Variants in ZNF385D observed in about 807,000 individuals in gnomAD.
ZNF385D encodes the protein zinc finger protein 659.
In ZNF385D, 15 loss-of-function variants were observed where a neutral mutation model predicts 35.8. The observed-to-expected ratio is 0.42, with a 90% confidence interval of 0.28 to 0.64. The LOEUF is 0.64. Ranked by LOEUF, ZNF385D falls within the 30% of genes least tolerant of loss-of-function variation. The pLI, the probability that ZNF385D is intolerant of heterozygous loss-of-function variation, is 0.23. For synonymous variants in ZNF385D, 212 were observed against 186.8 expected (o/e 1.13, Z -1.10); for missense variants, 474 against 494.6 (o/e 0.96, Z 0.39).
chr3:21,541,786 A>C (rs926531943), intron 3 of ZNF385D, among the ~76,000 whole-genome samples: 2 of 152,228 alleles, frequency 1.3e-5, no homozygotes, highest in African/African-American at 4.8e-5. Flanking sequence ...GAGATTTTCA[A>C]TTATTGGTGA....
At chr3:21,712,253 C>T (rs934908086) in intron 1 of ZNF385D, among the ~76,000 whole-genome samples, 12 of 152,138 alleles carry the variant, frequency 7.9e-5, no homozygotes, top group African/African-American at 2.9e-4. Flanking sequence ...CTCCATTGTA[C>T]ACGTCTACTT....
At chr3:21,820,215 C>A (rs1409564898) in intron 3 of ZNF385D, among the ~76,000 whole-genome samples, 2 of 151,602 alleles carry the variant, frequency 1.3e-5, no homozygotes, top group African/African-American at 4.8e-5. Context: ...TTATTCTAGT[C>A]AATAAAATCG....
At chr3:22,245,118 A>C (rs1265824430) in intron 2 of ZNF385D, among the ~76,000 whole-genome samples, 1 of 152,194 alleles carries the variant, frequency 6.6e-6, no homozygotes, top group Admixed American at 6.6e-5. Context: ...GCCTTCAAGG[A>C]AACTGAGGTT....
intron 3 of ZNF385D, among the ~76,000 whole-genome samples, chr3:21,812,147 A>G (rs906776215): frequency 1.3e-5 from 2 of 152,246 alleles, no homozygotes; most frequent in African/African-American, 4.8e-5. Context: ...ACAGGAAAAA[A>G]TAATTTGATT....
chr3:22,083,765 T>G (rs2141217), intron 3 of ZNF385D, among the ~76,000 whole-genome samples: 2 of 151,838 alleles, frequency 1.3e-5, no homozygotes, highest in African/African-American at 2.4e-5. Context: ...AGAGCATCCC[T>G]AAGACACATA....
chr3:21,679,505 C>T (rs961869834), intron 1 of ZNF385D, among the ~76,000 whole-genome samples: 1 of 151,680 alleles, frequency 6.6e-6, no homozygotes, highest in African/African-American at 2.4e-5. Flanking sequence ...TTATAGGCAC[C>T]CAAGTACTTT....
chr3:22,236,309 G>A (rs1699181394), intron 2 of ZNF385D, among the ~76,000 whole-genome samples: 1 of 151,940 alleles, frequency 6.6e-6, no homozygotes, highest in Non-Finnish European at 1.5e-5. Context: ...AATTATCACT[G>A]GAAAGTTGAC....
chr3:21,471,347 G>T, intron 4 of ZNF385D, among the ~76,000 whole-genome samples: 1 of 133,922 alleles, frequency 7.5e-6, no homozygotes, highest in Non-Finnish European at 1.5e-5. Flanking sequence ...CTTGGTGATG[G>T]CTGTTTTTTA....
At chr3:21,620,694 C>T (rs73035433) in intron 2 of ZNF385D, among the ~76,000 whole-genome samples, 53 of 152,228 alleles carry the variant, frequency 3.5e-4, no homozygotes, top group Admixed American at 1.2e-3. Flanking sequence ...TTTTGCCTGA[C>T]AGGCTGAATC....
chr3:21,563,858 CA>C (rs1421597323), intron 3 of ZNF385D, among the ~76,000 whole-genome samples: 6 of 152,076 alleles, frequency 3.9e-5, no homozygotes, highest in African/African-American at 1.2e-4. Flanking sequence ...AGAAGACATA[CA>C]TTTTTTTTTC....
chr3:22,005,442 C>A (rs143721758), intron 3 of ZNF385D, among the ~76,000 whole-genome samples: 3 of 151,830 alleles, frequency 2.0e-5, no homozygotes, highest in Non-Finnish European at 2.9e-5. Flanking sequence ...CGCAGGGTAA[C>A]TATTTTTAAC....
At chr3:21,976,044 T>C in intron 3 of ZNF385D, among the ~76,000 whole-genome samples, 1 of 152,066 alleles carries the variant, frequency 6.6e-6, no homozygotes, top group East Asian at 1.9e-4. Flanking sequence ...ACACTCAGGC[T>C]CTAACTGGGA....
chr3:21,482,708 G>T (rs1245615419), intron 4 of ZNF385D, among the ~76,000 whole-genome samples: 1 of 152,076 alleles, frequency 6.6e-6, no homozygotes, highest in African/African-American at 2.4e-5. Flanking sequence ...CAAATGTAAG[G>T]CTTTGAATAA....
chr3:21,961,395 T>A (rs1299080461), intron 3 of ZNF385D: 1 of 152,120 alleles, frequency 6.6e-6, no homozygotes, highest in African/African-American at 2.4e-5. Context: ...TTAATTCTTT[T>A]CTCTTTTTGA....
intron 2 of ZNF385D, among the ~76,000 whole-genome samples, chr3:22,304,955 C>T (rs1047947772): frequency 1.3e-5 from 2 of 151,936 alleles, no homozygotes; most frequent in African/African-American, 2.4e-5. Context: ...GTGCTTAGTA[C>T]AGTATTATTT....
At chr3:22,350,996 G>A (rs1695889945) in intron 2 of ZNF385D, among the ~76,000 whole-genome samples, 1 of 152,050 alleles carries the variant, frequency 6.6e-6, no homozygotes, top group Admixed American at 6.6e-5. Context: ...CATGTTAGAA[G>A]AGATTCAATA....
intron 1 of ZNF385D, among the ~76,000 whole-genome samples, chr3:21,686,987 C>T (rs996039870): frequency 2.0e-5 from 3 of 152,110 alleles, no homozygotes; most frequent in African/African-American, 7.2e-5. Context: ...TTGTCTTGAC[C>T]AGTGGAATGT....
chr3:22,073,966 T>G (rs2125568091), intron 3 of ZNF385D, among the ~76,000 whole-genome samples: 1 of 152,110 alleles, frequency 6.6e-6, no homozygotes, highest in South Asian at 2.1e-4. Flanking sequence ...ATTAAAAATC[T>G]ATTCCTTGTT....
At chr3:22,361,036 A>C (rs1696387262) in intron 2 of ZNF385D, among the ~76,000 whole-genome samples, 1 of 152,074 alleles carries the variant, frequency 6.6e-6, no homozygotes, top group African/African-American at 2.4e-5. Context: ...TATGAGGAAA[A>C]AAAGTCACAG....
Sources: gnomAD v4.1 joint callset for allele counts (sites outside exome capture counted in the v4.1 genomes callset) on GRCh38, gnomAD v4.1.1 for gene constraint, MANE v1.5 for transcripts, NCBI Gene and HGNC (gene_info 2026-07-23, HGNC 2026-07-21) for gene names.